KPNA3: variants seen among roughly 807,000 people sequenced by gnomAD.
KPNA3 encodes the protein importin subunit alpha-4.
In KPNA3, 13 loss-of-function variants were observed where a neutral mutation model predicts 73.8. The observed-to-expected ratio is 0.18, with a 90% CI of 0.11 to 0.28. KPNA3 has a LOEUF of 0.28. KPNA3 is among the 10% of genes least tolerant of loss of function. The probability of loss-of-function intolerance (pLI) is 1.00; values close to 1 mark genes in which losing one functional copy is unlikely to be tolerated. For synonymous variants in KPNA3, 186 were observed against 206.9 expected (o/e 0.90, Z 0.87); for missense variants, 360 against 618.1 (o/e 0.58, Z 4.43).
At chr13:49,776,760 C>G (rs1388993291) in intron 1 of KPNA3, among the ~76,000 whole-genome samples, 1 of 152,002 alleles carries the variant, frequency 6.6e-6, no homozygotes, top group Non-Finnish European at 1.5e-5. Flanking sequence ...TTTAAAATAC[C>G]AGATGCTGAA....
In KPNA3 at chr13:49,706,444, A is replaced by G. The variant is rs908595187; in HGVS notation, c.1033-72T>C. 2.2e-5 allele frequency: 22 copies of G among 1,004,406 alleles called. No homozygotes were observed. The Admixed American group carries it at 5.4e-4, about 25-fold the overall frequency. The allele number at this position is 1,004,406 out of a possible 1,614,324, so 62.2% of individuals were successfully genotyped here. A position where few individuals can be genotyped will look rare whatever the true frequency, so the allele number is the denominator to read the frequency against. ...CTTTAATGTCTTTCTAATATATTTTATATAGACAATAACAAAATCACCTGA... is the reference window on the plus strand; with the variant it reads ...CTTTAATGTCTTTCTAATATATTTTGTATAGACAATAACAAAATCACCTGA... On this transcript the variant is annotated intron_variant, in intron 12 of 16. Coordinates refer to ENST00000261667, the MANE Select transcript of KPNA3 (RefSeq NM_002267.4).
At chr13:49,708,936 GGTTT>G (rs1457277061) in intron 12 of KPNA3, among the ~76,000 whole-genome samples, 1 of 151,980 alleles carries the variant, frequency 6.6e-6, no homozygotes, top group Non-Finnish European at 1.5e-5. Context: ...TTTTATGATC[GGTTT>G]GTTTAAAAAA....
At chr13:49,781,920 C>A (rs895364891) in intron 1 of KPNA3, among the ~76,000 whole-genome samples, 4 of 152,122 alleles carry the variant, frequency 2.6e-5, no homozygotes, top group African/African-American at 9.7e-5. Flanking sequence ...TTCACAAAAC[C>A]AAGACAAAGC....
Position 49,727,962 on chromosome 13 carries a change from A to G in KPNA3, c.384-2461T>C, listed in dbSNP as rs532683338. ...TTAAGAAGGGACAAGTCGGCCGGGC[A>G]TGGTGGCTCACGCCTGTAATCCCAG... is the stretch of plus-strand genomic sequence containing the variant. On this transcript the variant is annotated intron_variant, in intron 6 of 16. Transcript: ENST00000261667. Among the ~76,000 whole-genome samples the G allele has an allele frequency of 3.8e-3, 572 of 152,210 alleles. 3 individuals are homozygous for G. The highest frequency in any genetic ancestry group is 0.01 in the Middle Eastern group (3 of 294).
rs757124862 is a variant in KPNA3, at chr13:49,701,818, T to C, written c.1548A>G (p.Thr516=). The part of the protein sequence containing the change: ...YNFDPTANLQ[T]KEFNF ...ACTGAATTTAAAAATTAAATTCTTT[T>C]GTTTGAAGGTTGGCTGTTGGATCAA... The change falls in exon 17 of 17, where the codon ACA becomes ACG. Residue 516 remains threonine, a synonymous_variant. Coordinates refer to ENST00000261667, the MANE Select transcript of KPNA3 (RefSeq NM_002267.4). 10 of 1,607,658 alleles carry C rather than the reference T, an allele frequency of 6.2e-6. No homozygotes were observed. The highest frequency in any genetic ancestry group is 1.7e-5 in the Admixed American group (1 of 60,010).
At chr13:49,740,577 A>AT (rs563001586) in intron 2 of KPNA3, among the ~76,000 whole-genome samples, 9 of 152,190 alleles carry the variant, frequency 5.9e-5, no homozygotes, top group Non-Finnish European at 1.2e-4. Context: ...GTCTGCTGTC[A>AT]TATGGGATGT....
At chr13:49,788,117 T>C (rs974823760) in intron 1 of KPNA3, among the ~76,000 whole-genome samples, 1 of 152,232 alleles carries the variant, frequency 6.6e-6, no homozygotes, top group Non-Finnish European at 1.5e-5. Flanking sequence ...TAGTACTTAC[T>C]TGATATAGGA....
In KPNA3 at chr13:49,780,270, A is replaced by G. The variant is rs1030437336; in HGVS notation, c.69+12168T>C. ...ACAGTCTATGGCTGCTTTTGCGCTC[A>G]AGACACAGGTGAATAGCTGCAATAC... On this transcript the variant is annotated intron_variant, in intron 1 of 16. Coordinates refer to ENST00000261667, the MANE Select transcript of KPNA3 (RefSeq NM_002267.4). Among the ~76,000 whole-genome samples, 3 of 152,112 alleles carry G rather than the reference A, an allele frequency of 2.0e-5. No individual in the cohort carries two copies. The East Asian group carries it at 5.8e-4, about 29-fold the overall frequency.
At chr13:49,783,745 G>T (rs1365335567) in intron 1 of KPNA3, among the ~76,000 whole-genome samples, 1 of 152,078 alleles carries the variant, frequency 6.6e-6, no homozygotes, top group Non-Finnish European at 1.5e-5. Flanking sequence ...TCAATTTCAT[G>T]TCCCATTTCC....
chr13:49,759,450 T>C (rs1954739781), intron 1 of KPNA3, among the ~76,000 whole-genome samples: 1 of 152,194 alleles, frequency 6.6e-6, no homozygotes. Context: ...GTGCATGACA[T>C]TTATTGTGCA....
At chr13:49,716,207 G>T (rs1442477389) in intron 10 of KPNA3, among the ~76,000 whole-genome samples, 1 of 151,752 alleles carries the variant, frequency 6.6e-6, no homozygotes, top group Non-Finnish European at 1.5e-5. Flanking sequence ...GCCTAGGCTG[G>T]GCTTGAACTC....
intron 12 of KPNA3, among the ~76,000 whole-genome samples, chr13:49,707,442 C>A (rs1013577859): frequency 6.6e-6 from 1 of 152,136 alleles, no homozygotes; most frequent in African/African-American, 2.4e-5. Context: ...GGAAGAAAAT[C>A]AAGTTGGTAA....
chr13:49,735,750 CATGT>C (rs1173182615), intron 2 of KPNA3, among the ~76,000 whole-genome samples: 1 of 152,166 alleles, frequency 6.6e-6, no homozygotes, highest in Non-Finnish European at 1.5e-5. Flanking sequence ...TCCACGTATG[CATGT>C]ATCTACCTAG....
intron 1 of KPNA3, among the ~76,000 whole-genome samples, chr13:49,791,902 C>G (rs1955036227): frequency 6.6e-6 from 1 of 152,344 alleles, no homozygotes; most frequent in South Asian, 2.1e-4. Flanking sequence ...GTCAGTTACC[C>G]GGCTGGTCCC....
chr13:49,754,991 G>A (rs1270567487), intron 1 of KPNA3, among the ~76,000 whole-genome samples: 1 of 151,880 alleles, frequency 6.6e-6, no homozygotes, highest in Non-Finnish European at 1.5e-5. Flanking sequence ...AAAAACAGAT[G>A]GGTACACTTC....
At chr13:49,731,907 A>C (rs1406350363) in intron 6 of KPNA3, among the ~76,000 whole-genome samples, 1 of 152,198 alleles carries the variant, frequency 6.6e-6, no homozygotes, top group Non-Finnish European at 1.5e-5. Context: ...CTTATCATGG[A>C]TGAAGTTCTG....
chr13:49,784,393 T>G (rs35690312), intron 1 of KPNA3, among the ~76,000 whole-genome samples: 3 of 152,216 alleles, frequency 2.0e-5, no homozygotes, highest in African/African-American at 2.4e-5. Context: ...AATACTTGGC[T>G]GTTGTTACAA....
chr13:49,754,292 C>T (rs964616211), intron 1 of KPNA3, among the ~76,000 whole-genome samples: 1 of 152,042 alleles, frequency 6.6e-6, no homozygotes, highest in African/African-American at 2.4e-5. Flanking sequence ...CAGAACAAGA[C>T]TCCATCTCAA....
At chr13:49,782,637 G>C (rs2137605137) in intron 1 of KPNA3, among the ~76,000 whole-genome samples, 1 of 152,234 alleles carries the variant, frequency 6.6e-6, no homozygotes, top group Admixed American at 6.5e-5. Context: ...CCAGCACTTT[G>C]GGAGGCTGAG....
Sources: allele counts gnomAD v4.1 joint callset (sites outside exome capture counted in the v4.1 genomes callset), GRCh38; gene constraint gnomAD v4.1.1; transcripts MANE v1.5; gene names NCBI Gene and HGNC (gene_info 2026-07-23, HGNC 2026-07-21).